The following SLC25A13 variants were observed in gnomAD, a reference collection of about 807,000 sequenced individuals.
The protein encoded by SLC25A13 is solute carrier family 25 member 13.
In SLC25A13, 70 loss-of-function variants were observed where a neutral mutation model predicts 85.5. That is an observed-to-expected ratio of 0.82 (90% confidence interval 0.68 to 1.00). SLC25A13 has a LOEUF of 1.00. SLC25A13 is among the 50% of genes least tolerant of loss of function. SLC25A13 has a pLI of 0.00. For missense variants in SLC25A13, 765 were observed against 819.8 expected, an observed-to-expected ratio of 0.93 and a Z score of 0.82; for synonymous variants, 259 against 288.7, an observed-to-expected ratio of 0.90 and a Z score of 1.04.
chr7:96,174,207 C>A (rs1415634838), intron 11 of SLC25A13, among the ~76,000 whole-genome samples: 1 of 152,222 alleles, frequency 6.6e-6, no homozygotes, highest in Non-Finnish European at 1.5e-5. Context: ...AGATTTCTAC[C>A]TTCTTTCTCT....
chr7:96,306,527 C>T (rs151270564), intron 1 of SLC25A13, among the ~76,000 whole-genome samples: 141 of 152,310 alleles, frequency 9.3e-4, no homozygotes, highest in African/African-American at 3.3e-3. Flanking sequence ...CCTCAGCTCT[C>T]TTCCTCTTGT....
intron 3 of SLC25A13, among the ~76,000 whole-genome samples, chr7:96,261,255 A>G (rs1412469093): frequency 6.6e-6 from 1 of 152,114 alleles, no homozygotes; most frequent in African/African-American, 2.4e-5. Flanking sequence ...TATATCATCT[A>G]TATATATCTT....
intron 11 of SLC25A13, among the ~76,000 whole-genome samples, chr7:96,174,632 T>C (rs1794144952): frequency 1.3e-5 from 2 of 152,194 alleles, no homozygotes; most frequent in Non-Finnish European, 2.9e-5. Context: ...TAGACCAAAA[T>C]TGTGGATGGG....
At chr7:96,164,136 A>C (rs2116552384) in intron 13 of SLC25A13, among the ~76,000 whole-genome samples, 1 of 152,330 alleles carries the variant, frequency 6.6e-6, no homozygotes, top group East Asian at 1.9e-4. Context: ...CTGTTTTAAC[A>C]AACACACTGT....
At chr7:96,313,414 G>A (rs34792894) in intron 1 of SLC25A13, among the ~76,000 whole-genome samples, 98,875 of 152,112 alleles carry the variant, frequency 0.65, 32,419 homozygotes, top group Non-Finnish European at 0.67. Context: ...TATATCCACC[G>A]TGGAATACCT....
intron 4 of SLC25A13, among the ~76,000 whole-genome samples, chr7:96,212,824 A>G (rs1795754040): frequency 6.6e-6 from 1 of 151,998 alleles, no homozygotes; most frequent in Admixed American, 6.6e-5. Flanking sequence ...TGGCCATGGG[A>G]CTCTGCAGGG....
intron 3 of SLC25A13, among the ~76,000 whole-genome samples, chr7:96,267,241 G>T (rs974965998): frequency 1.3e-5 from 2 of 152,052 alleles, no homozygotes; most frequent in Non-Finnish European, 2.9e-5. Context: ...ATTTCATCAC[G>T]ACAGCCTCAC....
intron 3 of SLC25A13, among the ~76,000 whole-genome samples, chr7:96,251,816 G>A (rs1797439901): frequency 6.6e-6 from 1 of 152,172 alleles, no homozygotes; most frequent in Admixed American, 6.5e-5. Context: ...CTATCTTACT[G>A]CCCATTTGAA....
At chr7:96,219,518 C>T in intron 4 of SLC25A13, 1 of 327,348 alleles carries the variant, frequency 3.1e-6, no homozygotes, top group South Asian at 2.6e-5. Flanking sequence ...TGAAACTAGT[C>T]ACCTTTTCCC....
intron 3 of SLC25A13, among the ~76,000 whole-genome samples, chr7:96,243,241 C>T (rs1197750713): frequency 3.3e-5 from 5 of 152,228 alleles, no homozygotes; most frequent in Admixed American, 3.3e-4. Context: ...GCTGGGATTA[C>T]AGGTGTGAGC....
intron 11 of SLC25A13, among the ~76,000 whole-genome samples, chr7:96,173,977 A>G (rs1794112428): frequency 6.6e-6 from 1 of 152,222 alleles, no homozygotes. Flanking sequence ...AAAGCAGCCA[A>G]TTGGAAGTCA....
At chr7:96,169,742 AG>A (rs1433238003) in intron 13 of SLC25A13, 1 of 402,066 alleles carries the variant, frequency 2.5e-6, no homozygotes, top group Non-Finnish European at 4.5e-6. Context: ...ACTTTAGAAA[AG>A]GTTAGCAAAG....
At chr7:96,122,264 A>G (rs1404244015) in intron 15 of SLC25A13, among the ~76,000 whole-genome samples, 1 of 152,180 alleles carries the variant, frequency 6.6e-6, no homozygotes, top group East Asian at 1.9e-4. Flanking sequence ...ATCTTTAAAT[A>G]TTTTTAAGAA....
chr7:96,175,632 T>C (rs1794190192), intron 11 of SLC25A13, among the ~76,000 whole-genome samples: 1 of 152,216 alleles, frequency 6.6e-6, no homozygotes, highest in South Asian at 2.1e-4. Flanking sequence ...TCTTACCTGG[T>C]ACGCTGCACA....
At chr7:96,216,925 A>G (rs942527617) in intron 4 of SLC25A13, among the ~76,000 whole-genome samples, 3 of 152,194 alleles carry the variant, frequency 2.0e-5, no homozygotes, top group Admixed American at 2.0e-4. Context: ...AAGAGAGAAA[A>G]AAAGAAAAGA....
At chr7:96,298,791 G>A (rs762431276) in intron 1 of SLC25A13, among the ~76,000 whole-genome samples, 2 of 151,604 alleles carry the variant, frequency 1.3e-5, no homozygotes, top group Non-Finnish European at 2.9e-5. Flanking sequence ...CTGTTCAATA[G>A]AGGAGAAGAA....
intron 5 of SLC25A13, among the ~76,000 whole-genome samples, chr7:96,204,685 G>A (rs1172734566): frequency 6.6e-6 from 1 of 152,160 alleles, no homozygotes; most frequent in Non-Finnish European, 1.5e-5. Flanking sequence ...ATACTTACTT[G>A]TAGTTGCTCC....
chr7:96,196,841 G>T (rs143653862), intron 5 of SLC25A13, among the ~76,000 whole-genome samples: 1 of 152,256 alleles, frequency 6.6e-6, no homozygotes. Context: ...TTTATGTCGT[G>T]ACTGTTTCTC....
intron 4 of SLC25A13, among the ~76,000 whole-genome samples, chr7:96,223,187 T>G (rs1299834847): frequency 6.6e-6 from 1 of 152,214 alleles, no homozygotes; most frequent in Non-Finnish European, 1.5e-5. Flanking sequence ...AACCCTTGAC[T>G]TTAAAGTTTA....
Sources: gnomAD v4.1 joint callset for allele counts (sites outside exome capture counted in the v4.1 genomes callset) on GRCh38, gnomAD v4.1.1 for gene constraint, MANE v1.5 for transcripts, NCBI Gene and HGNC (gene_info 2026-07-23, HGNC 2026-07-21) for gene names.